The following TTC6 variants were observed in gnomAD, a reference collection of about 807,000 sequenced individuals.
TTC6 encodes tetratricopeptide repeat protein 6.
Under a neutral mutation model 210.4 loss-of-function variants are expected in TTC6, and 172 were observed. The ratio of observed to expected loss-of-function variants is 0.82; its 90% confidence interval spans 0.72 to 0.93. The LOEUF is 0.93. Ranked by LOEUF, TTC6 falls within the 40% of genes least tolerant of loss-of-function variation. TTC6 has a pLI of 0.00. For missense variants in TTC6, 2,414 were observed against 2,318.1 expected (o/e 1.04, Z -0.85); for synonymous variants, 804 against 819.6 (o/e 0.98, Z 0.32).
rs547226529 is a variant in TTC6, at chr14:37,707,222, G to A, written c.1571+5696G>A. Among the ~76,000 whole-genome samples, 6 of 152,046 alleles carry A rather than the reference G, an allele frequency of 3.9e-5. No individual in the cohort carries two copies. In the South Asian group the frequency reaches 6.2e-4, roughly 16 times the overall value. On this transcript the variant is annotated intron_variant, in intron 5 of 30. Transcript: ENST00000553443. The stretch of plus-strand genomic sequence containing the variant: ...CTTTAAAATGAACAATTTCCCTAGC[G>A]TATGTTTGAGAGTGGATTGCTTTCT...
chr14:37,812,248 T>A, intron 24 of TTC6, 66 bp from the exon 27 acceptor site: 1 of 1,531,342 alleles, frequency 6.5e-7, no homozygotes, highest in Non-Finnish European at 8.8e-7. Context: ...CATAAATACG[T>A]TTGTCCATAG....
intron 14 of TTC6, among the ~76,000 whole-genome samples, chr14:37,765,714 T>G (rs908906245): frequency 1.3e-5 from 2 of 152,158 alleles, no homozygotes; most frequent in Non-Finnish European, 2.9e-5. Flanking sequence ...CTTTCAGCCT[T>G]TTTTGTAAAA....
At position 37,835,593 on chromosome 14, in the gene TTC6, T is replaced by A. The variant is rs184700286; in HGVS notation, c.5299-5852T>A. 8.2e-3 allele frequency among the ~76,000 whole-genome samples: 1,251 copies of A among 152,276 alleles called. 7 individuals are homozygous for A. Among genetic ancestry groups the A allele is most frequent in the Non-Finnish European group, 0.011 (781 of 68,012 alleles). ...TTTGATAGTATGTAATCCTATCTAT[T>A]GATTATATCTTCTCCATGGATGTAA... is the stretch of plus-strand genomic sequence containing the variant. On this transcript the variant is annotated intron_variant, in intron 29 of 30. Transcript: ENST00000553443.
At chr14:37,694,373 G>A (rs2095810389) in intron 3 of TTC6, among the ~76,000 whole-genome samples, 1 of 152,026 alleles carries the variant, frequency 6.6e-6, no homozygotes, top group Admixed American at 6.6e-5. Flanking sequence ...ACTACAATGA[G>A]ATATTATCCC....
intron 20 of TTC6, among the ~76,000 whole-genome samples, chr14:37,798,543 T>C (rs2096097998): frequency 6.6e-6 from 1 of 152,040 alleles, no homozygotes; most frequent in Admixed American, 6.6e-5. Context: ...AAATATGTCA[T>C]CTATAAATAA....
chr14:37,651,059 A>G (rs1297391420), intron 1 of TTC6, among the ~76,000 whole-genome samples: 1 of 152,188 alleles, frequency 6.6e-6, no homozygotes, highest in East Asian at 1.9e-4. Context: ...TACTTGGTAC[A>G]TATATGATTT....
chr14:37,795,446 C>T (rs2096090454), intron 18 of TTC6, 94 bp downstream of exon 20: 3 of 722,506 alleles, frequency 4.2e-6, no homozygotes, highest in Non-Finnish European at 6.1e-6. Flanking sequence ...TTTCAGGCTC[C>T]CCATTTTACA....
chr14:37,796,749 C>T, intron 19 of TTC6, 38 bp from the exon 22 acceptor site: 1 of 1,566,292 alleles, frequency 6.4e-7, no homozygotes, highest in South Asian at 1.2e-5. Flanking sequence ...ATCATTGATA[C>T]TTGGCAAAGA....
chr14:37,734,825 AT>A (rs972007788), intron 7 of TTC6, among the ~76,000 whole-genome samples: 1 of 152,148 alleles, frequency 6.6e-6, no homozygotes, highest in African/African-American at 2.4e-5. Context: ...TTTTTTTAAA[AT>A]AAGCAACCAT....
chr14:37,699,966 T>C (rs1170415981), intron 4 of TTC6, among the ~76,000 whole-genome samples: 1 of 152,154 alleles, frequency 6.6e-6, no homozygotes, highest in African/African-American at 2.4e-5. Flanking sequence ...CTAAGTCATA[T>C]TATGATGAAT....
intron 14 of TTC6, among the ~76,000 whole-genome samples, chr14:37,762,783 T>A (rs1474087394): frequency 6.6e-6 from 1 of 152,186 alleles, no homozygotes; most frequent in Non-Finnish European, 1.5e-5. Context: ...GTATATTACA[T>A]TGATTTATTT....
At chr14:37,795,381 G>A in intron 18 of TTC6, 29 bp downstream of exon 20, 1 of 1,425,396 alleles carries the variant, frequency 7.0e-7, no homozygotes, top group Non-Finnish European at 9.4e-7. Context: ...AATTCTTCTT[G>A]GGATAACTTA....
At chr14:37,731,954 G>T (rs1346887093) in intron 7 of TTC6, among the ~76,000 whole-genome samples, 2 of 151,624 alleles carry the variant, frequency 1.3e-5, no homozygotes, top group African/African-American at 4.8e-5. Context: ...AATTATTTGG[G>T]TGTATTGTGT....
chr14:37,797,333 A>G (rs2096095036), intron 20 of TTC6, among the ~76,000 whole-genome samples: 1 of 151,934 alleles, frequency 6.6e-6, no homozygotes, highest in South Asian at 2.1e-4. Context: ...ACAATAATTG[A>G]TATTGTTAGG....
intron 1 of TTC6, among the ~76,000 whole-genome samples, chr14:37,662,356 C>G (rs2095739199): frequency 6.6e-6 from 1 of 152,102 alleles, no homozygotes. Flanking sequence ...GAGTTTTAAA[C>G]ATGAAGATAT....
chr14:37,625,781 A>G (rs2095659275), intron 1 of TTC6, among the ~76,000 whole-genome samples: 1 of 152,170 alleles, frequency 6.6e-6, no homozygotes, highest in Non-Finnish European at 1.5e-5. Flanking sequence ...TGATCTCAGC[A>G]GGCTGGACTG....
At chr14:37,687,442 A>T (rs1027671224) in intron 3 of TTC6, among the ~76,000 whole-genome samples, 1 of 152,130 alleles carries the variant, frequency 6.6e-6, no homozygotes, top group East Asian at 1.9e-4. Context: ...CCTAGGGTTG[A>T]ACTGGGCTCA....
intron 1 of TTC6, among the ~76,000 whole-genome samples, chr14:37,634,064 A>C (rs2095675317): frequency 6.6e-6 from 1 of 152,182 alleles, no homozygotes; most frequent in Admixed American, 6.6e-5. Flanking sequence ...ATAGAAAATC[A>C]CTCATTATGC....
intron 7 of TTC6, 119 bp downstream of exon 9, chr14:37,725,121 C>A: frequency 1.9e-6 from 1 of 521,076 alleles, no homozygotes; most frequent in Non-Finnish European, 3.2e-6. Flanking sequence ...CAGTTATTGC[C>A]ATAATTAGGA....
Sources: allele counts gnomAD v4.1 joint callset (sites outside exome capture counted in the v4.1 genomes callset), GRCh38; gene constraint gnomAD v4.1.1; transcripts MANE v1.5; gene names NCBI Gene and HGNC (gene_info 2026-07-23, HGNC 2026-07-21).